DAPK3: variants seen among roughly 807,000 people sequenced by gnomAD.
The protein encoded by DAPK3 is death-associated protein kinase 3.
DAPK3 carries 24 observed loss-of-function variants against 30.6 expected under a neutral mutation model. The observed-to-expected ratio is 0.78, with a 90% CI of 0.57 to 1.10. The LOEUF is 1.10. Ranked by LOEUF, DAPK3 falls within the 50% of genes least tolerant of loss-of-function variation. The probability of loss-of-function intolerance (pLI) is 0.00; values close to 1 mark genes in which losing one functional copy is unlikely to be tolerated. For missense variants in DAPK3, 629 were observed against 657.3 expected (o/e 0.96, Z 0.47); for synonymous variants, 341 against 284.0 (o/e 1.20, Z -2.02).
In DAPK3 at chr19:3,959,164, C is replaced by T. The variant is rs1176162075; in HGVS notation, c.1302G>A (p.Val434=). The T allele has an allele frequency of 6.3e-7, 1 of 1,594,824 alleles. No homozygotes were observed. The highest frequency in any genetic ancestry group is 8.5e-7 in the Non-Finnish European group (1 of 1,175,806). The change falls in exon 9 of 9, where the codon GTG becomes GTA. Residue 434 remains valine, a synonymous_variant. Coordinates refer to ENST00000545797, the MANE Select transcript of DAPK3 (RefSeq NM_001348.3). ...AKQVASEMRF[V]QDLVRALEQE... Reference sequence around the variant, plus strand: ...GCTCCAGGGCGCGCACGAGGTCCTGCACGAAGCGCATCTCGGAGGCTACTT... The same window carrying T: ...GCTCCAGGGCGCGCACGAGGTCCTGTACGAAGCGCATCTCGGAGGCTACTT...
intron 8 of DAPK3, chr19:3,959,839 G>A (rs1342464034): frequency 6.0e-6 from 4 of 669,118 alleles, no homozygotes; most frequent in Non-Finnish European, 1.0e-5. Flanking sequence ...AGTCAGCCCC[G>A]TTGGACACAC....
intron 7 of DAPK3, among the ~76,000 whole-genome samples, chr19:3,960,449 A>G (rs890923740): frequency 6.6e-6 from 1 of 152,086 alleles, no homozygotes; most frequent in African/African-American, 2.4e-5. Context: ...CTTACTTTAC[A>G]CACCGGCAAC....
chr19:3,958,809 C>A lies in DAPK3; in HGVS notation c.*292G>T. On this transcript the variant is annotated 3_prime_UTR_variant, in exon 9 of 9. Coordinates refer to ENST00000545797, the MANE Select transcript of DAPK3 (RefSeq NM_001348.3). Reference sequence around the variant, plus strand: ...GCCGCCTCTGCGCCTCGGTGGGTCCCAACCCTCACGGTGCCACAGGCCACG... The same window carrying A: ...GCCGCCTCTGCGCCTCGGTGGGTCCAAACCCTCACGGTGCCACAGGCCACG... 1 of 575,540 alleles carries A rather than the reference C, an allele frequency of 1.7e-6. No individual in the cohort carries two copies. Among genetic ancestry groups the A allele is most frequent in the Non-Finnish European group, 3.1e-6 (1 of 321,700 alleles). 35.7% of individuals were successfully genotyped at this position (575,540 alleles called of 1,614,324 possible). A position where few individuals can be genotyped will look rare whatever the true frequency, so the allele number is the denominator to read the frequency against.
Position 3,959,020 on chromosome 19 carries a change from G to A in DAPK3, c.*81C>T, listed in dbSNP as rs2039470653. ...GGGCAAGGACAGGCACCCGGGCGAT[G>A]GGAGGCGCAGCGTCCACAGGAAGCG... On this transcript the variant is annotated 3_prime_UTR_variant, in exon 9 of 9. Transcript: ENST00000545797. The A allele has an allele frequency of 7.7e-6, 7 of 906,254 alleles. No homozygotes were observed. The South Asian group carries it at 1.1e-4, about 14-fold the overall frequency. 56.1% of individuals were successfully genotyped at this position (906,254 alleles called of 1,614,324 possible).
chr19:3,965,332 G>A (rs2039566050), intron 2 of DAPK3, among the ~76,000 whole-genome samples: 1 of 152,214 alleles, frequency 6.6e-6, no homozygotes, highest in Admixed American at 6.5e-5. Context: ...AGGGAACTGA[G>A]GGGGCCAGGC....
At chr19:3,966,705 G>A (rs937197702) in intron 2 of DAPK3, among the ~76,000 whole-genome samples, 5 of 152,170 alleles carry the variant, frequency 3.3e-5, no homozygotes, top group Admixed American at 6.6e-5. Context: ...TCACACCTGC[G>A]GCCGCTGCAC....
rs908901819 is a variant in DAPK3, at chr19:3,958,555, G to A, written c.*546C>T. ...GGCTCGCGGAGGAGTCCGCAGCAGG[G>A]CACCCCACACCCGGGGGACCGGCCT... On this transcript the variant is annotated 3_prime_UTR_variant, in exon 9 of 9. Transcript: ENST00000545797. 1 of 456,610 alleles carries A rather than the reference G, an allele frequency of 2.2e-6. No homozygotes were observed. The allele number at this position is 456,610 out of a possible 1,614,324, so 28.3% of individuals were successfully genotyped here.
intron 4 of DAPK3, 115 bp from the exon 5 acceptor site, chr19:3,964,034 T>C: frequency 1.2e-6 from 1 of 838,286 alleles, no homozygotes; most frequent in Admixed American, 2.1e-5. Context: ...GGGGCATGAA[T>C]GCGGCAGAGC....
chr19:3,960,349 G>A (rs955226107), intron 7 of DAPK3, among the ~76,000 whole-genome samples: 1 of 152,144 alleles, frequency 6.6e-6, no homozygotes, highest in Non-Finnish European at 1.5e-5. Flanking sequence ...CGGCCATGGA[G>A]GCCCGGGGAG....
chr19:3,959,777 C>T, intron 8 of DAPK3, 140 bp from the exon 9 acceptor site: 2 of 1,025,766 alleles, frequency 1.9e-6, no homozygotes, highest in Non-Finnish European at 2.8e-6. Context: ...CCCAGCCCGA[C>T]GCAAAGCCGA....
intron 2 of DAPK3, among the ~76,000 whole-genome samples, chr19:3,968,981 G>C (rs185288133): frequency 6.6e-6 from 1 of 152,350 alleles, no homozygotes; most frequent in East Asian, 1.9e-4. Flanking sequence ...CTCCCTGGAA[G>C]AGGAAACCTC....
rs1223140987 is a variant in DAPK3 at position 3,964,646 on chromosome 19, T to C, written c.408A>G (p.Ala136=). The stretch of plus-strand genomic sequence containing the variant: ...CAGGGCTCACCTTCAGGTCAAAGTG[T>C]GCGATGCGCTTAGAGTGCAGGTAGT... ...GVHYLHSKRI[A]HFDLKPENIM... The change falls in exon 3 of 9, where the codon GCA becomes GCG. Residue 136 remains alanine (A), a synonymous_variant. Coordinates refer to ENST00000545797, the MANE Select transcript of DAPK3 (RefSeq NM_001348.3). 3.1e-6 allele frequency: 5 copies of C among 1,602,330 alleles called. No individual in the cohort carries two copies. The highest frequency in any genetic ancestry group is 1.7e-5 in the Admixed American group (1 of 59,266).
intron 2 of DAPK3, among the ~76,000 whole-genome samples, chr19:3,967,753 T>TCAAA (rs755787012): frequency 6.6e-6 from 1 of 152,136 alleles, no homozygotes; most frequent in South Asian, 2.1e-4. Context: ...AGACACCGTC[T>TCAAA]CAAACAAACA....
rs903327005 is a variant in DAPK3 at position 3,963,674 on chromosome 19, G to A, written c.603-5C>T. 3.3e-6 allele frequency: 5 copies of A among 1,536,300 alleles called. No homozygotes were observed. In the Admixed American group the frequency reaches 6.7e-5, roughly 21 times the overall value. The stretch of plus-strand genomic sequence containing the variant: ...TAGGTGATGACACCGATGCTCCTGG[G>A]GACAGACAAGAGGCAAGGGTCAGCG... On this transcript the variant is annotated splice_polypyrimidine_tract_variant and splice_region_variant and intron_variant, in intron 5 of 8. Transcript: ENST00000545797.
chr19:3,959,766 G>A, intron 8 of DAPK3, 129 bp from the exon 9 acceptor site: 1 of 1,106,832 alleles, frequency 9.0e-7, no homozygotes, highest in Non-Finnish European at 1.3e-6. Context: ...GACGGAGACT[G>A]CCCAGCCCGA....
At chr19:3,968,482 A>G (rs2039601631) in intron 2 of DAPK3, among the ~76,000 whole-genome samples, 1 of 152,212 alleles carries the variant, frequency 6.6e-6, no homozygotes, top group Non-Finnish European at 1.5e-5. Context: ...CAAGGAAAAA[A>G]AAAAAAGGCT....
At position 3,958,482 on chromosome 19, in the gene DAPK3, G is replaced by A. The variant is rs1195519349; in HGVS notation, c.*619C>T. On this transcript the variant is annotated 3_prime_UTR_variant, in exon 9 of 9. Transcript: ENST00000545797. ...TGGAAGCCAGTATTTTATTTCTCTT[G>A]GCTGCAGAGGGCCGCTCTTGCCTAG... 1 of 456,480 alleles carries A rather than the reference G, an allele frequency of 2.2e-6. No individual in the cohort carries two copies. The highest frequency in any genetic ancestry group is 4.4e-6 in the Non-Finnish European group (1 of 227,086). 28.3% of individuals were successfully genotyped at this position (456,480 alleles called of 1,614,324 possible). A position where few individuals can be genotyped will look rare whatever the true frequency, so the allele number is the denominator to read the frequency against.
At position 3,964,914 on chromosome 19, in the gene DAPK3, C is replaced by T. The variant is rs2039560692; in HGVS notation, c.140G>A (p.Arg47His). ...KEYAAKFIKK[R>H]RLSSSRRGVS... The stretch of plus-strand genomic sequence containing the variant: ...CCCACGCCGGCTGGATGACAGGCGG[C>T]GCTTCTTGATGAACTTGGCTGCGTA... The change falls in exon 3 of 9, where the codon CGC becomes CAC. Residue 47 changes from arginine to histidine, a missense_variant. Around this residue, in one of 2 missense-constraint regions of DAPK3, gnomAD observed 306 missense variants for 378.5 expected, o/e 0.81. Transcript: ENST00000545797. 1.9e-6 allele frequency: 3 copies of T among 1,611,850 alleles called. No homozygotes were observed. Among genetic ancestry groups the T allele is most frequent in the East Asian group, 2.2e-5 (1 of 44,850 alleles).
In DAPK3 at chr19:3,959,206, G is replaced by A. The variant is rs758239056; in HGVS notation, c.1260C>T (p.Tyr420=). 17 of 1,600,214 alleles carry A rather than the reference G, an allele frequency of 1.1e-5. No individual in the cohort carries two copies. The highest frequency in any genetic ancestry group is 1.4e-5 in the Non-Finnish European group (16 of 1,177,692). ...AGGCTACTTGCTTGGCCAGCGCCTC[G>A]TAGCGGTTCTCCAGGCGGCTGAAGC... The part of the protein sequence containing the change: ...KRRFSRLENR[Y]EALAKQVASE... Residue 420 remains tyrosine (Y), a synonymous_variant, in exon 9 of 9, where the codon TAC becomes TAT. Transcript: ENST00000545797.
Sources: gnomAD v4.1 joint callset for allele counts (sites outside exome capture counted in the v4.1 genomes callset) on GRCh38, gnomAD v4.1.1 for gene constraint, gnomAD v4.1.1 regional missense constraint, MANE v1.5 for transcripts, NCBI Gene and HGNC (gene_info 2026-07-23, HGNC 2026-07-21) for gene names.